CFH: variants seen among roughly 807,000 people sequenced by gnomAD.
The protein encoded by CFH is H factor 1 (complement).
Under a neutral mutation model 147.3 loss-of-function variants are expected in CFH, and 53 were observed. That is an observed-to-expected ratio of 0.36 (90% CI 0.29 to 0.45). CFH has a LOEUF of 0.45. CFH is among the 20% of genes least tolerant of loss of function. CFH has a pLI of 1.00. For synonymous variants in CFH, 536 were observed against 489.4 expected (o/e 1.10, Z -1.26); for missense variants, 1,380 against 1,498.0 (o/e 0.92, Z 1.30).
At chr1:196,654,894 T>C in intron 1 of CFH, among the ~76,000 whole-genome samples, 1 of 152,084 alleles carries the variant, frequency 6.6e-6, no homozygotes, top group East Asian at 1.9e-4. Flanking sequence ...GTGTGATAAA[T>C]AAGAATTCCC....
chr1:196,731,373 T>G (rs537232521), intron 15 of CFH, among the ~76,000 whole-genome samples: 27 of 151,914 alleles, frequency 1.8e-4, no homozygotes, highest in Non-Finnish European at 1.6e-4. Context: ...GAATTTTGAT[T>G]ACATATAAAA....
chr1:196,733,809 G>C (rs1231056587), intron 15 of CFH, among the ~76,000 whole-genome samples: 1 of 152,100 alleles, frequency 6.6e-6, no homozygotes, highest in Non-Finnish European at 1.5e-5. Context: ...ACCGGCTAGA[G>C]AAGTGCCTGA....
Position 196,707,534 on chromosome 1 carries a change from A to G in CFH, c.1337-6201A>G, listed in dbSNP as rs116954846. On this transcript the variant is annotated intron_variant, in intron 9 of 21. Transcript: ENST00000367429. The stretch of plus-strand genomic sequence containing the variant: ...ACATCCTGGGGACCACTTAAAACAC[A>G]GTGAAAGAGGCCATGCAAAGCATGA... Among the ~76,000 whole-genome samples, 118 of 152,304 alleles carry G rather than the reference A, an allele frequency of 7.7e-4. 1 individual carries two copies. In the East Asian group the frequency reaches 0.021, roughly 27 times the overall value.
chr1:196,659,839 G>A (rs1350525012), intron 1 of CFH, among the ~76,000 whole-genome samples: 1 of 152,072 alleles, frequency 6.6e-6, no homozygotes, highest in Admixed American at 6.6e-5. Context: ...ATACAATAAT[G>A]GTTAGAACAA....
chr1:196,697,289 G>A (rs1398393160), intron 9 of CFH, among the ~76,000 whole-genome samples: 2 of 152,032 alleles, frequency 1.3e-5, no homozygotes, highest in Admixed American at 6.6e-5. Context: ...AATCTACAAT[G>A]AACTCAAACA....
At chr1:196,729,207 A>T (rs190520571) in intron 15 of CFH, among the ~76,000 whole-genome samples, 2 of 152,224 alleles carry the variant, frequency 1.3e-5, no homozygotes, top group African/African-American at 2.4e-5. Context: ...ACCAATACAA[A>T]AACTAATCTG....
At chr1:196,708,002 A>T (rs1415443387) in intron 9 of CFH, among the ~76,000 whole-genome samples, 3 of 152,192 alleles carry the variant, frequency 2.0e-5, no homozygotes, top group Admixed American at 2.0e-4. Flanking sequence ...TGGTCAATAC[A>T]ATTGTTAGAC....
At chr1:196,693,363 A>G (rs1668133096) in intron 9 of CFH, among the ~76,000 whole-genome samples, 1 of 152,122 alleles carries the variant, frequency 6.6e-6, no homozygotes, top group Non-Finnish European at 1.5e-5. Flanking sequence ...TACTAGTGCC[A>G]TCTGAATGAT....
intron 1 of CFH, 53 bp downstream of exon 1, chr1:196,652,228 A>G: frequency 1.5e-6 from 2 of 1,373,096 alleles, no homozygotes; most frequent in Non-Finnish European, 2.1e-6. Context: ...ACATTTGCTA[A>G]TGATGCTTTT....
intron 9 of CFH, among the ~76,000 whole-genome samples, chr1:196,697,135 A>C (rs1668300515): frequency 6.6e-6 from 1 of 152,232 alleles, no homozygotes; most frequent in Non-Finnish European, 1.5e-5. Context: ...CAATGGCAAC[A>C]CAAGCCAAAA....
At chr1:196,714,915 G>A (rs1231822922) in intron 10 of CFH, among the ~76,000 whole-genome samples, 1 of 151,032 alleles carries the variant, frequency 6.6e-6, no homozygotes, top group African/African-American at 2.4e-5. Context: ...TAGCCAGGCT[G>A]GTCTCGAACT....
intron 11 of CFH, among the ~76,000 whole-genome samples, chr1:196,721,499 C>T (rs1299907639): frequency 6.6e-6 from 1 of 151,914 alleles, no homozygotes; most frequent in East Asian, 1.9e-4. Context: ...GGAGAATGTT[C>T]CATGCACAGG....
chr1:196,697,536 G>A (rs1279898525), intron 9 of CFH, among the ~76,000 whole-genome samples: 2 of 152,150 alleles, frequency 1.3e-5, no homozygotes, highest in African/African-American at 4.8e-5. Flanking sequence ...GGAGAAATAG[G>A]AACACTTTTA....
intron 1 of CFH, among the ~76,000 whole-genome samples, chr1:196,655,030 G>A (rs1268053201): frequency 6.6e-6 from 1 of 151,984 alleles, no homozygotes; most frequent in Non-Finnish European, 1.5e-5. Context: ...AATACTTTAC[G>A]TGTTGATATT....
intron 10 of CFH, among the ~76,000 whole-genome samples, chr1:196,714,490 C>G (rs958127900): frequency 5.3e-5 from 8 of 150,004 alleles, no homozygotes; most frequent in Non-Finnish European, 1.0e-4. Flanking sequence ...ACCACACTAT[C>G]TAGATATTTA....
Position 196,742,151 on chromosome 1 carries a change from G to A in CFH, c.3133+100G>A, listed in dbSNP as rs955289758. The A allele has an allele frequency of 1.2e-4, 128 of 1,105,950 alleles. 2 individuals are homozygous for A. In the Middle Eastern group the frequency reaches 2.5e-3, roughly 22 times the overall value. 68.5% of individuals were successfully genotyped at this position (1,105,950 alleles called of 1,614,324 possible). A position where few individuals can be genotyped will look rare whatever the true frequency, so the allele number is the denominator to read the frequency against. ...GCACTTTGGGAGGCCGAGGTGGGCG[G>A]ATCACTTGAGGTCAGGAGTTCGAGA... On this transcript the variant is annotated intron_variant, in intron 19 of 21. Transcript: ENST00000367429.
chr1:196,709,130 T>G (rs913645227), intron 9 of CFH, among the ~76,000 whole-genome samples: 4 of 152,066 alleles, frequency 2.6e-5, no homozygotes, highest in African/African-American at 7.2e-5. Flanking sequence ...AAAACCAAAC[T>G]AAAGAAAATA....
chr1:196,676,210 C>T, intron 4 of CFH, 145 bp downstream of exon 4: 1 of 515,480 alleles, frequency 1.9e-6, no homozygotes, highest in South Asian at 3.7e-5. Flanking sequence ...GGAATCTAGT[C>T]TTTTTATTAC....
chr1:196,673,144 T>A lies in CFH; in HGVS notation c.225T>A (p.Asn75Lys), dbSNP rs764849497. Residue 75 changes from asparagine (N) to lysine (K), a missense_variant, in exon 2 of 22, where the codon AAT (asparagine) becomes AAA (lysine). Transcript: ENST00000367429. The stretch of plus-strand genomic sequence containing the variant: ...GGAAGGGAGAATGGGTTGCTCTTAA[T>A]CCATTAAGGAAATGTCAGAGTAAGT... ...VCRKGEWVAL[N>K]PLRKCQKRPC... 3 of 1,613,262 alleles carry A rather than the reference T, an allele frequency of 1.9e-6. No homozygotes were observed. The highest frequency in any genetic ancestry group is 2.2e-5 in the South Asian group (2 of 91,072).
Sources: gnomAD v4.1 joint callset for allele counts (sites outside exome capture counted in the v4.1 genomes callset) on GRCh38, gnomAD v4.1.1 for gene constraint, MANE v1.5 for transcripts, NCBI Gene and HGNC (gene_info 2026-07-23, HGNC 2026-07-21) for gene names.